CCDC179: variants seen among roughly 807,000 people sequenced by gnomAD.
CCDC179 encodes coiled-coil domain containing 179.
CCDC179 carries 17 observed loss-of-function variants against 12.0 expected under a neutral mutation model. The observed-to-expected ratio is 1.42, with a 90% CI of 0.97 to 2.13. The LOEUF is 2.13. Among genes scored for constraint, CCDC179 ranks in the 30% most tolerant of loss-of-function variants. The pLI is 0.00. For synonymous variants in CCDC179, 27 were observed against 26.4 expected (o/e 1.02, Z -0.07); for missense variants, 83 against 78.6 (o/e 1.06, Z -0.21).
chr11:22,848,847 T>C (rs1195928490), intron 3 of CCDC179, among the ~76,000 whole-genome samples: 1 of 152,184 alleles, frequency 6.6e-6, no homozygotes, highest in Non-Finnish European at 1.5e-5. Flanking sequence ...ACAAGATTAA[T>C]AGAGAAATTG....
At chr11:22,851,989 C>G (rs762899698) in intron 3 of CCDC179, among the ~76,000 whole-genome samples, 14 of 152,120 alleles carry the variant, frequency 9.2e-5, no homozygotes, top group Non-Finnish European at 1.5e-5. Context: ...GCTCTCCGTT[C>G]TCTTTACCAG....
At chr11:22,850,957 TATATATATATATATA>T (rs1257762998) in intron 3 of CCDC179, among the ~76,000 whole-genome samples, 5 of 10,432 alleles carry the variant, frequency 4.8e-4, no homozygotes, top group Non-Finnish European at 1.0e-3. Context: ...TATATATATA[TATATATATATATATA>T]TATATTTTTT....
At chr11:22,853,330 T>C (rs1238683014) in intron 3 of CCDC179, among the ~76,000 whole-genome samples, 3 of 152,140 alleles carry the variant, frequency 2.0e-5, no homozygotes, top group Non-Finnish European at 4.4e-5. Context: ...GACTTGGAAC[T>C]TACAATAATT....
At chr11:22,849,689 C>T (rs901596138) in intron 3 of CCDC179, among the ~76,000 whole-genome samples, 55 of 152,040 alleles carry the variant, frequency 3.6e-4, no homozygotes, top group African/African-American at 1.2e-3. Flanking sequence ...CCATGTGTCT[C>T]GAAAGTCCAT....
chr11:22,847,427 C>A lies in CCDC179; in HGVS notation c.*83G>T. 1.2e-6 allele frequency: 1 copy of A among 800,476 alleles called. No homozygotes were observed. The highest frequency in any genetic ancestry group is 1.8e-6 in the Non-Finnish European group (1 of 546,722). The allele number at this position is 800,476 out of a possible 1,614,324, so 49.6% of individuals were successfully genotyped here. A position where few individuals can be genotyped will look rare whatever the true frequency, so the allele number is the denominator to read the frequency against. Reference sequence around the variant, plus strand: ...GTATTGCATTTATTTTGTGGATGATCAATTCATGATATGTCACTTGATGTT... The same window carrying A: ...GTATTGCATTTATTTTGTGGATGATAAATTCATGATATGTCACTTGATGTT... On this transcript the variant is annotated 3_prime_UTR_variant, in exon 4 of 4. Transcript: ENST00000532798.
At chr11:22,852,096 G>C (rs910990073) in intron 3 of CCDC179, among the ~76,000 whole-genome samples, 2 of 152,142 alleles carry the variant, frequency 1.3e-5, no homozygotes, top group African/African-American at 2.4e-5. Flanking sequence ...CACAACTCCT[G>C]TTCCCTATAG....
At chr11:22,856,664 A>C (rs868612813) in intron 3 of CCDC179, among the ~76,000 whole-genome samples, 106 of 151,714 alleles carry the variant, frequency 7.0e-4, no homozygotes, top group African/African-American at 2.5e-3. Flanking sequence ...TAATGCAGTA[A>C]GACAAAAAAA....
At chr11:22,848,021 A>C (rs1020239793) in intron 3 of CCDC179, among the ~76,000 whole-genome samples, 2 of 152,226 alleles carry the variant, frequency 1.3e-5, no homozygotes, top group Middle Eastern at 3.2e-3. Context: ...GGACAAATAA[A>C]AGACAAGAAA....
intron 3 of CCDC179, among the ~76,000 whole-genome samples, chr11:22,850,404 C>A (rs1590188316): frequency 1.3e-5 from 2 of 152,290 alleles, no homozygotes; most frequent in Admixed American, 1.3e-4. Flanking sequence ...CAACTTCATC[C>A]AGGTTGCTGC....
Position 22,847,455 on chromosome 11 carries a change from C to A in CCDC179, c.*55G>T. The A allele has an allele frequency of 8.3e-7, 1 of 1,208,214 alleles. No homozygotes were observed. Among genetic ancestry groups the A allele is most frequent in the South Asian group, 1.7e-5 (1 of 58,998 alleles). 74.8% of individuals were successfully genotyped at this position (1,208,214 alleles called of 1,614,324 possible). ...TTCATGATATGTCACTTGATGTTCA[C>A]AATCCACATATTTCTGTCTGGAGCA... On this transcript the variant is annotated 3_prime_UTR_variant, in exon 4 of 4. Coordinates refer to ENST00000532798, the MANE Select transcript of CCDC179 (RefSeq NM_001195637.2).
rs1424049463 is a variant in CCDC179 at position 22,847,479 on chromosome 11, C to T, written c.*31G>A. The T allele has an allele frequency of 2.1e-6, 3 of 1,397,254 alleles. No homozygotes were observed. The African/African-American group carries it at 4.3e-5, about 20-fold the overall frequency. The allele number at this position is 1,397,254 out of a possible 1,614,324, so 86.6% of individuals were successfully genotyped here. A position where few individuals can be genotyped will look rare whatever the true frequency, so the allele number is the denominator to read the frequency against. On this transcript the variant is annotated 3_prime_UTR_variant, in exon 4 of 4. Transcript: ENST00000532798. ...ACAATCCACATATTTCTGTCTGGAG[C>T]ATGGTTTCCTTCAAATAGACTCCTG...
At chr11:22,859,385 C>T in intron 2 of CCDC179, 67 bp downstream of exon 2, 1 of 1,117,384 alleles carries the variant, frequency 8.9e-7, no homozygotes, top group East Asian at 2.7e-5. Context: ...GGGACCACTA[C>T]ATAAAGGAAC....
At chr11:22,847,653 A>G (rs186418444) in intron 3 of CCDC179, 132 bp from the exon 4 acceptor site, 53 of 422,620 alleles carry the variant, frequency 1.3e-4, no homozygotes, top group Non-Finnish European at 1.9e-4. Context: ...TATTATAAAA[A>G]ATAATCATTA....
intron 2 of CCDC179, among the ~76,000 whole-genome samples, chr11:22,858,781 A>G (rs973606223): frequency 6.6e-6 from 1 of 152,102 alleles, no homozygotes; most frequent in Non-Finnish European, 1.5e-5. Context: ...AATGTTTGCA[A>G]TAGTACTATT....
chr11:22,848,530 C>T (rs996853621), intron 3 of CCDC179, among the ~76,000 whole-genome samples: 2 of 152,106 alleles, frequency 1.3e-5, no homozygotes, highest in South Asian at 2.1e-4. Context: ...CTAACTTCAT[C>T]GCACGTCCTC....
intron 3 of CCDC179, among the ~76,000 whole-genome samples, chr11:22,853,583 T>C (rs7395356): frequency 0.5 from 75,610 of 150,904 alleles, 19,525 homozygotes; most frequent in Middle Eastern, 0.7. Flanking sequence ...GAGAAAAAAG[T>C]ATAAAAATAT....
chr11:22,857,875 A>C, intron 3 of CCDC179, 47 bp downstream of exon 3: 3 of 898,314 alleles, frequency 3.3e-6, no homozygotes, highest in South Asian at 3.6e-5. Flanking sequence ...TGATGATATC[A>C]GTTGCATTTA....
intron 3 of CCDC179, among the ~76,000 whole-genome samples, chr11:22,852,581 A>C (rs1858433566): frequency 6.6e-6 from 1 of 152,192 alleles, no homozygotes; most frequent in Non-Finnish European, 1.5e-5. Flanking sequence ...TAGCTCAACT[A>C]GTCCTGTGGT....
chr11:22,859,446 C>T lies in CCDC179; in HGVS notation c.90+6G>A, dbSNP rs980863417. The T allele has an allele frequency of 9.4e-6, 14 of 1,486,356 alleles. No homozygotes were observed. The highest frequency in any genetic ancestry group is 8.3e-5 in the African/African-American group (6 of 72,202). 92.1% of individuals were successfully genotyped at this position (1,486,356 alleles called of 1,614,324 possible). A position where few individuals can be genotyped will look rare whatever the true frequency, so the allele number is the denominator to read the frequency against. The stretch of plus-strand genomic sequence containing the variant: ...ACCAGAACCTAGTTCTTTATTTAAA[C>T]ATTACCTGCCGCTCAGTGACCTCTG... On this transcript the variant is annotated splice_donor_region_variant and intron_variant, in intron 2 of 3. Transcript: ENST00000532798.
Sources: allele counts gnomAD v4.1 joint callset (sites outside exome capture counted in the v4.1 genomes callset), GRCh38; gene constraint gnomAD v4.1.1; transcripts MANE v1.5; gene names NCBI Gene and HGNC (gene_info 2026-07-23, HGNC 2026-07-21).